The following PAM variants were observed in gnomAD, a reference collection of about 807,000 sequenced individuals.
The protein encoded by PAM is peptidyl-glycine alpha-amidating monooxygenase.
A neutral mutation model predicts 122.1 loss-of-function variants in PAM; 72 were observed. The observed-to-expected ratio is 0.59, with a 90% confidence interval of 0.49 to 0.72. PAM has a LOEUF of 0.72. Among genes scored for constraint, PAM ranks in the 30% least tolerant of loss-of-function variants. The pLI is 0.00. For missense variants in PAM, 1,106 were observed against 1,183.7 expected (o/e 0.93, Z 0.96); for synonymous variants, 389 against 404.4 (o/e 0.96, Z 0.46).
chr5:102,912,715 GA>G (rs1801777282), intron 4 of PAM, among the ~76,000 whole-genome samples: 1 of 151,930 alleles, frequency 6.6e-6, no homozygotes, highest in Non-Finnish European at 1.5e-5. Context: ...TTTGGTAATA[GA>G]AAACCAAGCC....
Position 102,820,797 on chromosome 5 carries a change from C to T in PAM, c.-373-45026C>T, listed in dbSNP as rs765070172. Among the ~76,000 whole-genome samples, 12 of 151,890 alleles carry T rather than the reference C, an allele frequency of 7.9e-5. No individual in the cohort carries two copies. In the South Asian group the frequency reaches 1.0e-3, roughly 13 times the overall value. On this transcript the variant is annotated intron_variant, in intron 1 of 25. Coordinates refer to ENST00000438793, the MANE Select transcript of PAM (RefSeq NM_001177306.2). The stretch of plus-strand genomic sequence containing the variant: ...TGCTATGTAGTACTTATGGGAAAAA[C>T]GGAATGAATTAAAGTTTATTCTACA...
intron 17 of PAM, among the ~76,000 whole-genome samples, 170 bp from the exon 18 acceptor site, chr5:103,004,984 C>G (rs977765615): frequency 1.3e-5 from 2 of 152,128 alleles, no homozygotes; most frequent in Non-Finnish European, 2.9e-5. Context: ...AAGGAGATCT[C>G]ATTATAACAG....
chr5:102,991,217 C>T (rs890330777), intron 16 of PAM, among the ~76,000 whole-genome samples: 2 of 152,130 alleles, frequency 1.3e-5, no homozygotes, highest in African/African-American at 2.4e-5. Context: ...GCCCACTTAG[C>T]CACTTTATGA....
chr5:102,914,995 C>T (rs1476328661), intron 5 of PAM, among the ~76,000 whole-genome samples: 4 of 152,044 alleles, frequency 2.6e-5, no homozygotes, highest in Non-Finnish European at 4.4e-5. Flanking sequence ...TGTTTTCTAC[C>T]CCCATAAGTT....
At chr5:102,760,868 A>G (rs566462921) in intron 1 of PAM, among the ~76,000 whole-genome samples, 89 of 152,326 alleles carry the variant, frequency 5.8e-4, no homozygotes, top group African/African-American at 1.9e-3. Flanking sequence ...TACACTGTCA[A>G]TTTGGAGACT....
At chr5:102,766,926 A>ATTTTTTTTTTTGTTT (rs1754151985) in intron 1 of PAM, among the ~76,000 whole-genome samples, 1 of 25,830 alleles carries the variant, frequency 3.9e-5, no homozygotes, top group Non-Finnish European at 7.7e-5. Flanking sequence ...TCAGTTGTGG[A>ATTTTTTTTTTTGTTT]TTTTTTTTTT....
chr5:102,922,761 T>C (rs1482451900), intron 5 of PAM, among the ~76,000 whole-genome samples: 2 of 152,236 alleles, frequency 1.3e-5, no homozygotes, highest in African/African-American at 4.8e-5. Context: ...TTTATGATCT[T>C]TGTTGAAAGC....
chr5:102,941,487 ACCT>A (rs942169744), intron 7 of PAM, among the ~76,000 whole-genome samples: 7 of 152,070 alleles, frequency 4.6e-5, no homozygotes, highest in Non-Finnish European at 1.0e-4. Context: ...CTCCAGGAAA[ACCT>A]CAGTGTAGCT....
chr5:102,936,100 G>A (rs139774305), intron 7 of PAM, among the ~76,000 whole-genome samples: 1 of 152,000 alleles, frequency 6.6e-6, no homozygotes, highest in East Asian at 1.9e-4. Flanking sequence ...GCACTTGAGG[G>A]TATTTGCATC....
intron 15 of PAM, among the ~76,000 whole-genome samples, chr5:102,979,158 AG>A (rs1434296772): frequency 6.6e-6 from 1 of 152,122 alleles, no homozygotes; most frequent in Non-Finnish European, 1.5e-5. Flanking sequence ...TAATAACTAT[AG>A]GTATTATAGG....
At chr5:102,916,267 T>C (rs756018130) in intron 5 of PAM, among the ~76,000 whole-genome samples, 1 of 152,134 alleles carries the variant, frequency 6.6e-6, no homozygotes, top group Non-Finnish European at 1.5e-5. Context: ...GCATTATTTC[T>C]AGGAGCTGGA....
intron 1 of PAM, among the ~76,000 whole-genome samples, chr5:102,850,115 C>A (rs1780998996): frequency 6.6e-6 from 1 of 152,076 alleles, no homozygotes; most frequent in Non-Finnish European, 1.5e-5. Flanking sequence ...TGTTCCCATT[C>A]ATTCACTTAA....
In PAM at chr5:103,028,361, T is replaced by C. The variant is rs1357377462; in HGVS notation, c.2743+123T>C. ...AAGATAAAGCACCTTGTATGCAGCT[T>C]AGCATCTCCCAGAGTAAATACAGAA... On this transcript the variant is annotated intron_variant, in intron 25 of 25. Coordinates refer to ENST00000438793, the MANE Select transcript of PAM (RefSeq NM_001177306.2). The C allele has an allele frequency of 2.8e-5, 19 of 686,166 alleles. No homozygotes were observed. In the South Asian group the frequency reaches 3.5e-4, roughly 13 times the overall value. The allele number at this position is 686,166 out of a possible 1,614,324, so 42.5% of individuals were successfully genotyped here.
At chr5:102,821,055 T>C (rs1771734454) in intron 1 of PAM, among the ~76,000 whole-genome samples, 1 of 152,132 alleles carries the variant, frequency 6.6e-6, no homozygotes, top group East Asian at 1.9e-4. Flanking sequence ...AGTATGAATA[T>C]ATAGAAATTT....
At chr5:102,892,026 C>T (rs1794927071) in intron 3 of PAM, among the ~76,000 whole-genome samples, 1 of 151,816 alleles carries the variant, frequency 6.6e-6, no homozygotes. Flanking sequence ...TTCCTTTTCT[C>T]TTCCTAATGA....
intron 1 of PAM, among the ~76,000 whole-genome samples, chr5:102,794,740 T>G (rs546434279): frequency 1.3e-5 from 2 of 152,310 alleles, no homozygotes; most frequent in Middle Eastern, 3.4e-3. Flanking sequence ...TGCTAATTTT[T>G]TTGTTTGATG....
At chr5:102,881,162 T>C (rs1291777205) in intron 3 of PAM, among the ~76,000 whole-genome samples, 3 of 112,258 alleles carry the variant, frequency 2.7e-5, no homozygotes, top group African/African-American at 4.4e-5. Context: ...ACACAGAGAC[T>C]TCTAAAGATG....
intron 1 of PAM, among the ~76,000 whole-genome samples, chr5:102,768,868 C>T (rs560080224): frequency 1.3e-5 from 2 of 151,988 alleles, no homozygotes; most frequent in Non-Finnish European, 2.9e-5. Context: ...CATATATACC[C>T]CAAAGAAAGG....
chr5:102,966,146 T>C (rs545278140), intron 14 of PAM, among the ~76,000 whole-genome samples: 1 of 152,242 alleles, frequency 6.6e-6, no homozygotes, highest in South Asian at 2.1e-4. Flanking sequence ...TGTATGCCTA[T>C]TCACTAAAAA....
Sources: allele counts gnomAD v4.1 joint callset (sites outside exome capture counted in the v4.1 genomes callset), GRCh38; gene constraint gnomAD v4.1.1; transcripts MANE v1.5; gene names NCBI Gene and HGNC (gene_info 2026-07-23, HGNC 2026-07-21).